Variants in THSD4 observed in about 807,000 individuals in gnomAD.
THSD4 encodes the protein thrombospondin type-1 domain-containing protein 4.
A neutral mutation model predicts 119.0 loss-of-function variants in THSD4; 69 were observed. The observed-to-expected ratio is 0.58, with a 90% CI of 0.48 to 0.71. The LOEUF is 0.71. THSD4 is among the 30% of genes least tolerant of loss of function. THSD4 has a pLI of 0.00. For missense variants in THSD4, 1,393 were observed against 1,391.1 expected (o/e 1.00, Z -0.02); for synonymous variants, 524 against 540.4 (o/e 0.97, Z 0.42).
At chr15:71,502,358 G>A (rs1433681703) in intron 7 of THSD4, among the ~76,000 whole-genome samples, 1 of 152,194 alleles carries the variant, frequency 6.6e-6, no homozygotes, top group African/African-American at 2.4e-5. Context: ...CAAAATTAGG[G>A]TGGGGAAGTG....
At chr15:71,299,518 T>G (rs779939684) in intron 6 of THSD4, among the ~76,000 whole-genome samples, 1 of 152,004 alleles carries the variant, frequency 6.6e-6, no homozygotes, top group Non-Finnish European at 1.5e-5. Flanking sequence ...ATCTAAAGAG[T>G]TCAGTTCATA....
chr15:71,781,386 G>T lies in THSD4; in HGVS notation c.*4012G>T, dbSNP rs2053996316. ...GTGAGTCAAAGTGGGATGGAACCAT[G>T]CAAAAACAAAACCCACAGACATGCA... On this transcript the variant is annotated 3_prime_UTR_variant, in exon 18 of 18. Coordinates refer to ENST00000261862, the MANE Select transcript of THSD4 (RefSeq NM_024817.3). 1 of 152,786 alleles carries T rather than the reference G, an allele frequency of 6.5e-6. No individual in the cohort carries two copies. The highest frequency in any genetic ancestry group is 1.5e-5 in the Non-Finnish European group (1 of 68,458). The allele number at this position is 152,786 out of a possible 1,614,324, so 9.5% of individuals were successfully genotyped here.
At chr15:71,544,655 A>G (rs1211272723) in intron 7 of THSD4, among the ~76,000 whole-genome samples, 9 of 152,232 alleles carry the variant, frequency 5.9e-5, no homozygotes, top group Non-Finnish European at 1.5e-5. Context: ...CTACTCCTAG[A>G]TATATATCTA....
chr15:71,617,342 TTTAA>T (rs957285686), intron 7 of THSD4, among the ~76,000 whole-genome samples: 19 of 152,214 alleles, frequency 1.2e-4, no homozygotes, highest in East Asian at 7.7e-4. Flanking sequence ...TTTAAATTTT[TTTAA>T]TTAATATCAT....
chr15:71,608,510 C>T (rs2050160880), intron 7 of THSD4, among the ~76,000 whole-genome samples: 1 of 152,136 alleles, frequency 6.6e-6, no homozygotes, highest in South Asian at 2.1e-4. Flanking sequence ...AATCATTTCC[C>T]TAATGCTGTG....
At chr15:71,195,308 A>G (rs902473369) in intron 3 of THSD4, among the ~76,000 whole-genome samples, 1 of 152,218 alleles carries the variant, frequency 6.6e-6, no homozygotes, top group Non-Finnish European at 1.5e-5. Context: ...TAAAAAGGCA[A>G]TGGAGAAATG....
At chr15:71,138,013 C>T (rs1353918849) in intron 1 of THSD4, among the ~76,000 whole-genome samples, 1 of 152,162 alleles carries the variant, frequency 6.6e-6, no homozygotes, top group Non-Finnish European at 1.5e-5. Flanking sequence ...AACTGCTCTC[C>T]CCCAAACCTT....
chr15:71,484,196 C>T (rs143738728), intron 7 of THSD4, among the ~76,000 whole-genome samples: 2 of 152,170 alleles, frequency 1.3e-5, no homozygotes, highest in African/African-American at 4.8e-5. Flanking sequence ...ATTCCTGATG[C>T]TCTGACCATC....
At position 71,181,565 on chromosome 15, in the gene THSD4, G is replaced by A. The variant is rs117989421; in HGVS notation, c.99+26633G>A. Among the ~76,000 whole-genome samples, 1,476 of 152,316 alleles carry A rather than the reference G, an allele frequency of 9.7e-3. 18 individuals carry two copies. The highest frequency in any genetic ancestry group is 0.013 in the Non-Finnish European group (893 of 68,036). On this transcript the variant is annotated intron_variant, in intron 3 of 17. Coordinates refer to ENST00000261862, the MANE Select transcript of THSD4 (RefSeq NM_024817.3). ...TCTTTCTGAGTATGCTTGTACCCAT[G>A]AGTTGAAGGCAAAAAGTGGAACATA...
At chr15:71,388,707 G>A (rs1566965422) in intron 6 of THSD4, among the ~76,000 whole-genome samples, 1 of 150,592 alleles carries the variant, frequency 6.6e-6, no homozygotes, top group Non-Finnish European at 1.5e-5. Context: ...GAGGGAGCAG[G>A]CTTTGGATGT....
chr15:71,101,347 T>C (rs969254801), intron 1 of THSD4, among the ~76,000 whole-genome samples: 7 of 152,336 alleles, frequency 4.6e-5, no homozygotes, highest in East Asian at 3.9e-4. Context: ...CTTCTCACCA[T>C]ATAGGTACCT....
intron 7 of THSD4, among the ~76,000 whole-genome samples, chr15:71,548,543 G>A (rs1306611797): frequency 6.6e-6 from 1 of 152,190 alleles, no homozygotes; most frequent in Non-Finnish European, 1.5e-5. Context: ...AAACAGACAT[G>A]CAGCTCAGAG....
At chr15:71,750,484 G>A (rs1436523307) in intron 14 of THSD4, among the ~76,000 whole-genome samples, 1 of 152,232 alleles carries the variant, frequency 6.6e-6, no homozygotes, top group East Asian at 1.9e-4. Context: ...CAGAAAGAGA[G>A]GAAGGACAAA....
chr15:71,311,525 C>A (rs2045110533), intron 6 of THSD4, among the ~76,000 whole-genome samples: 3 of 152,156 alleles, frequency 2.0e-5, no homozygotes, highest in Admixed American at 2.0e-4. Flanking sequence ...GCTCCCTGCC[C>A]CTCTTTGTCT....
intron 7 of THSD4, among the ~76,000 whole-genome samples, chr15:71,471,886 A>C (rs2047585910): frequency 6.6e-6 from 1 of 152,102 alleles, no homozygotes; most frequent in South Asian, 2.1e-4. Context: ...ACTTGGCCAC[A>C]TCCAACCATG....
rs142703656 is a variant in THSD4, at chr15:71,500,297, T to G, written c.1152+88474T>G. Among the ~76,000 whole-genome samples, 490 of 152,308 alleles carry G rather than the reference T, an allele frequency of 3.2e-3. 6 individuals are homozygous for G. The highest frequency in any genetic ancestry group is 0.017 in the South Asian group (82 of 4,826). On this transcript the variant is annotated intron_variant, in intron 7 of 17. Coordinates refer to ENST00000261862, the MANE Select transcript of THSD4 (RefSeq NM_024817.3). ...ATATGGTCTTTGAAGAAATGTCTGTTCACGTCCTGTGCCCATTTTTAAATT... is the reference window on the plus strand; with the variant it reads ...ATATGGTCTTTGAAGAAATGTCTGTGCACGTCCTGTGCCCATTTTTAAATT...
chr15:71,319,349 G>A (rs1220540881), intron 6 of THSD4, among the ~76,000 whole-genome samples: 8 of 151,046 alleles, frequency 5.3e-5, no homozygotes, highest in East Asian at 3.9e-4. Context: ...CCATTAACTC[G>A]TCATTTACAT....
chr15:71,661,600 T>C (rs1482099161), intron 8 of THSD4, among the ~76,000 whole-genome samples: 1 of 152,102 alleles, frequency 6.6e-6, no homozygotes, highest in African/African-American at 2.4e-5. Context: ...TTCACCATGT[T>C]GGCCAAGCTG....
At chr15:71,522,238 C>T (rs539876083) in intron 7 of THSD4, among the ~76,000 whole-genome samples, 1 of 152,084 alleles carries the variant, frequency 6.6e-6, no homozygotes, top group Non-Finnish European at 1.5e-5. Flanking sequence ...AAAATAAAAC[C>T]CTGCTCATTA....
Sources: allele counts gnomAD v4.1 joint callset (sites outside exome capture counted in the v4.1 genomes callset), GRCh38; gene constraint gnomAD v4.1.1; transcripts MANE v1.5; gene names NCBI Gene and HGNC (gene_info 2026-07-23, HGNC 2026-07-21).